Variants in C20orf202 observed in about 807,000 individuals in gnomAD.
The protein encoded by C20orf202 is chromosome 20 open reading frame 202.
In C20orf202, 5 loss-of-function variants were observed where a neutral mutation model predicts 5.3. The ratio of observed to expected loss-of-function variants is 0.94; its 90% CI spans 0.49 to 1.98. The LOEUF (loss-of-function observed/expected upper bound fraction) is 1.98. Among genes scored for constraint, C20orf202 ranks in the 30% most tolerant of loss-of-function variants. C20orf202 has a pLI of 0.01. For missense variants in C20orf202, 135 were observed against 123.5 expected (o/e 1.09, Z -0.44); for synonymous variants, 48 against 50.0 (o/e 0.96, Z 0.16).
rs930842200 is a variant in C20orf202 at position 1,207,223 on chromosome 20, G to T, written c.*121G>T. On this transcript the variant is annotated 3_prime_UTR_variant, in exon 2 of 2. Transcript: ENST00000400633. ...AAGCCAGGGCTCTGGGTTCATTTCTGCCCTCATCTGCTGTGCATCCCTGGA... is the reference window on the plus strand; with the variant it reads ...AAGCCAGGGCTCTGGGTTCATTTCTTCCCTCATCTGCTGTGCATCCCTGGA... 1.6e-6 allele frequency: 1 copy of T among 642,582 alleles called. No individual in the cohort carries two copies. The highest frequency in any genetic ancestry group is 2.6e-6 in the Non-Finnish European group (1 of 388,722). 39.8% of individuals were successfully genotyped at this position (642,582 alleles called of 1,614,324 possible). A position where few individuals can be genotyped will look rare whatever the true frequency, so the allele number is the denominator to read the frequency against.
chr20:1,204,436 G>A, intron 1 of C20orf202, among the ~76,000 whole-genome samples: 1 of 152,298 alleles, frequency 6.6e-6, no homozygotes. Flanking sequence ...ATTTCCCATT[G>A]GCAAGGGCCT....
intron 1 of C20orf202, among the ~76,000 whole-genome samples, chr20:1,206,626 G>T (rs1200646805): frequency 6.6e-6 from 1 of 152,202 alleles, no homozygotes; most frequent in Non-Finnish European, 1.5e-5. Flanking sequence ...TTTTGACCTC[G>T]CTGACCCCTT....
In C20orf202 at chr20:1,207,219, T is replaced by A; in HGVS notation, c.*117T>A. On this transcript the variant is annotated 3_prime_UTR_variant, in exon 2 of 2. Coordinates refer to ENST00000400633, the MANE Select transcript of C20orf202 (RefSeq NM_001394958.1). ...CAGAAAGCCAGGGCTCTGGGTTCAT[T>A]TCTGCCCTCATCTGCTGTGCATCCC... 1.4e-6 allele frequency: 1 copy of A among 689,722 alleles called. No homozygotes were observed. Among genetic ancestry groups the A allele is most frequent in the South Asian group, 2.9e-5 (1 of 35,078 alleles). The allele number at this position is 689,722 out of a possible 1,614,324, so 42.7% of individuals were successfully genotyped here. A position where few individuals can be genotyped will look rare whatever the true frequency, so the allele number is the denominator to read the frequency against.
rs372546105 is a variant in C20orf202, at chr20:1,206,946, G to T, written c.144G>T (p.Ala48=). The change falls in exon 2 of 2, where the codon GCG becomes GCT. Residue 48 remains alanine, a synonymous_variant. Transcript: ENST00000400633. The stretch of plus-strand genomic sequence containing the variant: ...ACAGTGTCCTGGAGGAGCTGCGTGC[G>T]GACAGCGCCCACTGGGAGGACGCCA... ...HLHSVLEELR[A]DSAHWEDARS... 1.9e-4 allele frequency: 288 copies of T among 1,551,600 alleles called. No homozygotes were observed. In the African/African-American group the frequency reaches 3.3e-3, roughly 18 times the overall value.
intron 1 of C20orf202, among the ~76,000 whole-genome samples, chr20:1,205,681 G>A (rs1320033207): frequency 6.6e-6 from 1 of 152,212 alleles, no homozygotes; most frequent in African/African-American, 2.4e-5. Context: ...AAGGACGCTT[G>A]AGTTGAGGGA....
rs2087144456 is a variant in C20orf202 at position 1,209,014 on chromosome 20, T to C, written c.*1912T>C. Among the ~76,000 whole-genome samples the C allele has an allele frequency of 6.6e-6, 1 of 152,326 alleles. No individual in the cohort carries two copies. The highest frequency in any genetic ancestry group is 2.1e-4 in the South Asian group (1 of 4,824). Reference sequence around the variant, plus strand: ...TAAAGTTCTTTTTATAACCTTTCAGTCACCCAGTTAACAACTTTATACCTA... The same window carrying C: ...TAAAGTTCTTTTTATAACCTTTCAGCCACCCAGTTAACAACTTTATACCTA... On this transcript the variant is annotated 3_prime_UTR_variant, in exon 2 of 2. Coordinates refer to ENST00000400633, the MANE Select transcript of C20orf202 (RefSeq NM_001394958.1). This position sits in a 1 kb window ranked among gnomAD's most constrained non-coding sequence, Gnocchi z 4.0.
Position 1,203,487 on chromosome 20 carries a change from A to C in C20orf202, c.-99A>C. On this transcript the variant is annotated 5_prime_UTR_variant, in exon 1 of 2. Transcript: ENST00000400633. ...CTCCATCTTCAGTGATTTGGCCAGA[A>C]CCTGCTGCCAGTCTGAAAGAGTTGG... 1 of 1,523,234 alleles carries C rather than the reference A, an allele frequency of 6.6e-7. No homozygotes were observed. The highest frequency in any genetic ancestry group is 8.8e-7 in the Non-Finnish European group (1 of 1,133,102). 94.4% of individuals were successfully genotyped at this position (1,523,234 alleles called of 1,614,324 possible).
Position 1,207,231 on chromosome 20 carries a change from C to T in C20orf202, c.*129C>T. On this transcript the variant is annotated 3_prime_UTR_variant, in exon 2 of 2. Transcript: ENST00000400633. ...GCTCTGGGTTCATTTCTGCCCTCAT[C>T]TGCTGTGCATCCCTGGATCTGTCAC... 1 of 600,578 alleles carries T rather than the reference C, an allele frequency of 1.7e-6. No individual in the cohort carries two copies. Among genetic ancestry groups the T allele is most frequent in the Non-Finnish European group, 2.8e-6 (1 of 352,734 alleles). 37.2% of individuals were successfully genotyped at this position (600,578 alleles called of 1,614,324 possible).
chr20:1,207,076 G>T lies in C20orf202; in HGVS notation c.274G>T (p.Asp92Tyr). ...RGLAQLLRGE[D>Y]SRRSSLP ...TCTGGCCCAGCTCCTCCGAGGGGAAGACAGCAGACGAAGCTCTCTCCCTTA... is the reference window on the plus strand; with the variant it reads ...TCTGGCCCAGCTCCTCCGAGGGGAATACAGCAGACGAAGCTCTCTCCCTTA... Residue 92 changes from aspartate to tyrosine, a missense_variant, in exon 2 of 2, where the codon GAC (aspartate) becomes TAC (tyrosine). By Grantham distance (160) the Asp-to-Tyr change is radical. Transcript: ENST00000400633. 1 of 1,515,354 alleles carries T rather than the reference G, an allele frequency of 6.6e-7. No homozygotes were observed. Among genetic ancestry groups the T allele is most frequent in the South Asian group, 1.3e-5 (1 of 79,714 alleles). 93.9% of individuals were successfully genotyped at this position (1,515,354 alleles called of 1,614,324 possible).
chr20:1,206,895 T>C lies in C20orf202; in HGVS notation c.93T>C (p.Ser31=). The C allele has an allele frequency of 6.5e-7, 1 of 1,543,568 alleles. No individual in the cohort carries two copies. The highest frequency in any genetic ancestry group is 8.8e-7 in the Non-Finnish European group (1 of 1,141,282). ...CTGAGATGCAGATTCAAGATCAGAG[T>C]CTCCTGCTCACACTGAGGCATCTTC... ...ELSEMQIQDQ[S]LLLTLRHLHS... The change falls in exon 2 of 2, where the codon AGT becomes AGC. Residue 31 remains serine, a synonymous_variant. Transcript: ENST00000400633.
rs1478136617 is a variant in C20orf202, at chr20:1,206,588, T to C, written c.67-281T>C. ...GAAAATGAAAGCAAAAAAAGGAAAATAACGTCTTACTATTGTAACCAAAGT... is the reference window on the plus strand; with the variant it reads ...GAAAATGAAAGCAAAAAAAGGAAAACAACGTCTTACTATTGTAACCAAAGT... On this transcript the variant is annotated intron_variant, in intron 1 of 1. Transcript: ENST00000400633. Among the ~76,000 whole-genome samples the C allele has an allele frequency of 2.6e-5, 4 of 152,292 alleles. No individual in the cohort carries two copies. In the East Asian group the frequency reaches 7.7e-4, roughly 29 times the overall value.
chr20:1,204,397 T>C (rs953052307), intron 1 of C20orf202, among the ~76,000 whole-genome samples: 9 of 152,154 alleles, frequency 5.9e-5, no homozygotes, highest in Non-Finnish European at 1.0e-4. Flanking sequence ...CGAGAGGAAA[T>C]TCATCTGCCC....
intron 1 of C20orf202, among the ~76,000 whole-genome samples, chr20:1,205,192 G>A (rs1057323355): frequency 6.8e-6 from 1 of 147,232 alleles, no homozygotes; most frequent in Non-Finnish European, 1.5e-5. Context: ...TACAACCTCC[G>A]CCTCCTGGGT....
In C20orf202 at chr20:1,204,426, A is replaced by T. The variant is rs186958116; in HGVS notation, c.66+775A>T. On this transcript the variant is annotated intron_variant, in intron 1 of 1. Transcript: ENST00000400633. Reference sequence around the variant, plus strand: ...TCTGCCCAGCTCGTTCCTGTCTCTCATTTCCCATTGGCAAGGGCCTCCCCC... The same window carrying T: ...TCTGCCCAGCTCGTTCCTGTCTCTCTTTTCCCATTGGCAAGGGCCTCCCCC... Among the ~76,000 whole-genome samples, 529 of 152,236 alleles carry T rather than the reference A, an allele frequency of 3.5e-3. 4 individuals carry two copies. The highest frequency in any genetic ancestry group is 0.012 in the African/African-American group (489 of 41,544).
Position 1,203,990 on chromosome 20 carries a change from G to A in C20orf202, c.66+339G>A, listed in dbSNP as rs78511519. Among the ~76,000 whole-genome samples, 281 of 152,182 alleles carry A rather than the reference G, an allele frequency of 1.8e-3. 1 individual carries two copies. Among genetic ancestry groups the A allele is most frequent in the African/African-American group, 6.3e-3 (263 of 41,510 alleles). On this transcript the variant is annotated intron_variant, in intron 1 of 1. Transcript: ENST00000400633. ...TTATCACAAAATGGGAATAACAATA[G>A]TACCAATATCATATGGGGTATTGTA...
Position 1,203,570 on chromosome 20 carries a change from T to G in C20orf202, c.-16T>G. 6.4e-7 allele frequency: 1 copy of G among 1,551,656 alleles called. No homozygotes were observed. The highest frequency in any genetic ancestry group is 8.7e-7 in the Non-Finnish European group (1 of 1,146,966). ...AGAACCAGGTCAGTGTCAAGGTCACTCCTAAGAACACTGAGATGAAAATAG... is the reference window on the plus strand; with the variant it reads ...AGAACCAGGTCAGTGTCAAGGTCACGCCTAAGAACACTGAGATGAAAATAG... On this transcript the variant is annotated 5_prime_UTR_variant, in exon 1 of 2. Transcript: ENST00000400633.
rs1344906789 is a variant in C20orf202, at chr20:1,208,417, T to C, written c.*1315T>C. 2.0e-5 allele frequency: 3 copies of C among 152,200 alleles called. No individual in the cohort carries two copies. The highest frequency in any genetic ancestry group is 7.2e-5 in the African/African-American group (3 of 41,454). The allele number at this position is 152,200 out of a possible 1,614,324, so 9.4% of individuals were successfully genotyped here. A position where few individuals can be genotyped will look rare whatever the true frequency, so the allele number is the denominator to read the frequency against. On this transcript the variant is annotated 3_prime_UTR_variant, in exon 2 of 2. Transcript: ENST00000400633. ...GGGTGCATTATAAGTATAATGTTTG[T>C]AGTCAGATCAACCTGTGATTTTTGT...
At position 1,207,242 on chromosome 20, in the gene C20orf202, C is replaced by T. The variant is rs1185536203; in HGVS notation, c.*140C>T. ...ATTTCTGCCCTCATCTGCTGTGCATCCCTGGATCTGTCACTCAGCTTCTCT... is the reference window on the plus strand; with the variant it reads ...ATTTCTGCCCTCATCTGCTGTGCATTCCTGGATCTGTCACTCAGCTTCTCT... On this transcript the variant is annotated 3_prime_UTR_variant, in exon 2 of 2. Transcript: ENST00000400633. 10 of 545,272 alleles carry T rather than the reference C, an allele frequency of 1.8e-5. No homozygotes were observed. The highest frequency in any genetic ancestry group is 4.2e-4 in the Middle Eastern group (1 of 2,356). 33.8% of individuals were successfully genotyped at this position (545,272 alleles called of 1,614,324 possible). A position where few individuals can be genotyped will look rare whatever the true frequency, so the allele number is the denominator to read the frequency against.
intron 1 of C20orf202, among the ~76,000 whole-genome samples, chr20:1,206,443 A>G (rs1455706515): frequency 6.6e-6 from 1 of 152,226 alleles, no homozygotes; most frequent in African/African-American, 2.4e-5. Context: ...CATTGTTGCA[A>G]ATTGCTTTAA....
Sources: allele counts gnomAD v4.1 joint callset (sites outside exome capture counted in the v4.1 genomes callset), GRCh38; gene constraint gnomAD v4.1.1; non-coding constraint Gnocchi (gnomAD v3.1); transcripts MANE v1.5; gene names NCBI Gene and HGNC (gene_info 2026-07-23, HGNC 2026-07-21).